The following PDE5A variants were observed in gnomAD, a reference collection of about 807,000 sequenced individuals.
The protein encoded by PDE5A is phosphodiesterase 5A, also known as cGMP-specific 3',5'-cyclic phosphodiesterase.
Under a neutral mutation model 110.2 loss-of-function variants are expected in PDE5A, and 67 were observed. That is an observed-to-expected ratio of 0.61 (90% CI 0.50 to 0.75). The LOEUF (loss-of-function observed/expected upper bound fraction) is 0.75, where lower values mean the gene tolerates loss of function less well. PDE5A is among the 30% of genes least tolerant of loss of function. PDE5A has a pLI of 0.00. For missense variants in PDE5A, 862 were observed against 1,045.1 expected (o/e 0.82, Z 2.42); for synonymous variants, 328 against 351.2 (o/e 0.93, Z 0.74).
chr4:119,606,806 T>C lies in PDE5A; in HGVS notation c.644A>G (p.Glu215Gly). 1 of 1,614,200 alleles carries C rather than the reference T, an allele frequency of 6.2e-7. No individual in the cohort carries two copies. Among genetic ancestry groups the C allele is most frequent in the Non-Finnish European group, 8.5e-7 (1 of 1,180,040 alleles). The change falls in exon 2 of 21, where the codon GAA becomes GGA. Residue 215 changes from glutamate to glycine, a missense_variant. By Grantham distance (98) the Glu-to-Gly change is moderately conservative. Transcript: ENST00000354960. ...TAAGCGGATACAGTTATTTGAAACT[T>C]CTTCCAGTGTTGAACCTTCAGCAAC... is the stretch of plus-strand genomic sequence containing the variant. ...FDVAEGSTLE[E>G]VSNNCIRLEW...
chr4:119,567,141 C>T lies in PDE5A; in HGVS notation c.835G>A (p.Val279Ile). 1 of 1,611,678 alleles carries T rather than the reference C, an allele frequency of 6.2e-7. No homozygotes were observed. Among genetic ancestry groups the T allele is most frequent in the Non-Finnish European group, 8.5e-7 (1 of 1,177,966 alleles). Residue 279 changes from valine to isoleucine, a missense_variant, in exon 4 of 21, where the codon GTT becomes ATT. Physicochemically the swap from Val to Ile is conservative, Grantham distance 29. Coordinates refer to ENST00000354960, the MANE Select transcript of PDE5A (RefSeq NM_001083.4). The stretch of plus-strand genomic sequence containing the variant: ...TTGTTGATGGCCTGGGCTACACCAA[C>T]AACCTGGTATAAGGAGAGAAAAGCG... ...MPIKNHREEV[V>I]GVAQAINKKS...
Position 119,498,230 on chromosome 4 carries a change from GA to G in PDE5A, c.*370del, listed in dbSNP as rs963610374. ...AAAAGGAAAGATTCCAAACATTCTT[GA>G]AAAAATGGTAATTCAGAAAACACAA... On this transcript the variant is annotated 3_prime_UTR_variant, in exon 21 of 21. Coordinates refer to ENST00000354960, the MANE Select transcript of PDE5A (RefSeq NM_001083.4). 2.5e-5 allele frequency: 4 copies of G among 162,780 alleles called. No homozygotes were observed. Among genetic ancestry groups the G allele is most frequent in the African/African-American group, 9.6e-5 (4 of 41,758 alleles). 10.1% of individuals were successfully genotyped at this position (162,780 alleles called of 1,614,324 possible).
chr4:119,531,566 C>G (rs1726543837), intron 11 of PDE5A, among the ~76,000 whole-genome samples: 1 of 152,024 alleles, frequency 6.6e-6, no homozygotes, highest in Non-Finnish European at 1.5e-5. Flanking sequence ...TGTGAGCCAC[C>G]ACGCCTGGCC....
intron 18 of PDE5A, 39 bp from the exon 19 acceptor site, chr4:119,502,694 C>A: frequency 1.5e-6 from 2 of 1,303,486 alleles, no homozygotes; most frequent in Non-Finnish European, 2.2e-6. Flanking sequence ...CAATGAAAAG[C>A]ATATCATTCT....
At chr4:119,554,219 T>C (rs1282714150) in intron 7 of PDE5A, among the ~76,000 whole-genome samples, 1 of 152,186 alleles carries the variant, frequency 6.6e-6, no homozygotes, top group East Asian at 1.9e-4. Context: ...CTCTTCTCTC[T>C]AGTTAAGTCT....
chr4:119,614,273 C>G (rs114513627), intron 1 of PDE5A, among the ~76,000 whole-genome samples: 1 of 151,818 alleles, frequency 6.6e-6, no homozygotes, highest in East Asian at 1.9e-4. Flanking sequence ...TAAATGTGTT[C>G]GAGAAAAAGT....
At chr4:119,563,426 C>T (rs989916357) in intron 5 of PDE5A, among the ~76,000 whole-genome samples, 2 of 152,086 alleles carry the variant, frequency 1.3e-5, no homozygotes, top group Admixed American at 6.6e-5. Flanking sequence ...AAATATTACC[C>T]GTCAAAGTAA....
chr4:119,578,227 A>C (rs1482107366), intron 3 of PDE5A, among the ~76,000 whole-genome samples: 1 of 152,210 alleles, frequency 6.6e-6, no homozygotes, highest in African/African-American at 2.4e-5. Context: ...GCTCATGGGT[A>C]GGAAGAATCA....
At chr4:119,588,170 CT>C (rs11297755) in intron 3 of PDE5A, among the ~76,000 whole-genome samples, 35,388 of 128,680 alleles carry the variant, frequency 0.28, 3,597 homozygotes, top group East Asian at 0.37. Context: ...CCAATTTTTT[CT>C]TTTTTTTTTT....
chr4:119,574,037 C>T (rs1252751365), intron 3 of PDE5A, among the ~76,000 whole-genome samples: 1 of 152,048 alleles, frequency 6.6e-6, no homozygotes, highest in Admixed American at 6.5e-5. Context: ...TATCACAGAG[C>T]AATCTGATGT....
chr4:119,577,405 A>G (rs1476237099), intron 3 of PDE5A, among the ~76,000 whole-genome samples: 1 of 152,222 alleles, frequency 6.6e-6, no homozygotes, highest in Non-Finnish European at 1.5e-5. Context: ...TTACACCAAT[A>G]TCCTTGATGA....
chr4:119,506,737 TAATA>T (rs1355274564), intron 16 of PDE5A, among the ~76,000 whole-genome samples: 41 of 151,940 alleles, frequency 2.7e-4, no homozygotes, highest in Non-Finnish European at 4.0e-4. Flanking sequence ...AGTTTACTAT[TAATA>T]TATATTATTT....
intron 1 of PDE5A, among the ~76,000 whole-genome samples, chr4:119,610,014 A>G (rs1005660946): frequency 6.6e-6 from 1 of 152,248 alleles, no homozygotes; most frequent in Non-Finnish European, 1.5e-5. Context: ...AATTTGAAGA[A>G]GCACAAAAGC....
intron 18 of PDE5A, 119 bp downstream of exon 18, chr4:119,504,417 A>C: frequency 1.4e-6 from 1 of 706,046 alleles, no homozygotes; most frequent in Non-Finnish European, 2.4e-6. Flanking sequence ...TGATGAACAT[A>C]TAAGTGTCTT....
At position 119,496,137 on chromosome 4, in the gene PDE5A, T is replaced by C. The variant is rs965244970; in HGVS notation, c.*2464A>G. Reference sequence around the variant, plus strand: ...GATATCTTTTAACAAGTTAGTAAAATAGTGGGGACTTTTCTGGCTAAAAAT... The same window carrying C: ...GATATCTTTTAACAAGTTAGTAAAACAGTGGGGACTTTTCTGGCTAAAAAT... On this transcript the variant is annotated 3_prime_UTR_variant, in exon 21 of 21. Transcript: ENST00000354960. The C allele has an allele frequency of 3.3e-5, 5 of 152,116 alleles. No individual in the cohort carries two copies. Among genetic ancestry groups the C allele is most frequent in the African/African-American group, 1.2e-4 (5 of 41,430 alleles). 9.4% of individuals were successfully genotyped at this position (152,116 alleles called of 1,614,324 possible).
chr4:119,530,400 T>G (rs1003833365), intron 11 of PDE5A, among the ~76,000 whole-genome samples: 1 of 152,100 alleles, frequency 6.6e-6, no homozygotes, highest in Non-Finnish European at 1.5e-5. Flanking sequence ...ACAGTGTAGG[T>G]TGAAATCACA....
At position 119,607,292 on chromosome 4, in the gene PDE5A, A is replaced by G. The variant is rs1317861891; in HGVS notation, c.158T>C (p.Met53Thr). 1.9e-6 allele frequency: 3 copies of G among 1,605,558 alleles called. No homozygotes were observed. The highest frequency in any genetic ancestry group is 2.5e-6 in the Non-Finnish European group (3 of 1,177,082). Residue 53 changes from methionine (M) to threonine (T), a missense_variant, in exon 2 of 21, where the codon ATG (methionine) becomes ACG (threonine). Met to Thr is a moderately conservative substitution (Grantham distance 81). Coordinates refer to ENST00000354960, the MANE Select transcript of PDE5A (RefSeq NM_001083.4). Reference sequence around the variant, plus strand: ...TCTCTCAGCAAACCATGCATTGACCATTTCTCTGCAGAACAGAACGTGCAG... The same window carrying G: ...TCTCTCAGCAAACCATGCATTGACCGTTTCTCTGCAGAACAGAACGTGCAG... ...SYFVRKATRE[M>T]VNAWFAERVH...
chr4:119,496,942 T>C lies in PDE5A; in HGVS notation c.*1659A>G, dbSNP rs202102127. The C allele has an allele frequency of 6.6e-6, 1 of 152,350 alleles. No individual in the cohort carries two copies. The highest frequency in any genetic ancestry group is 2.4e-5 in the African/African-American group (1 of 41,382). 9.4% of individuals were successfully genotyped at this position (152,350 alleles called of 1,614,324 possible). ...ATGGCAATACAATGTGTTTTGCTTC[T>C]ATTTTTTGTTTTTTTACCAGAATGA... On this transcript the variant is annotated 3_prime_UTR_variant, in exon 21 of 21. Transcript: ENST00000354960.
chr4:119,516,684 C>T (rs1318588653), intron 14 of PDE5A, among the ~76,000 whole-genome samples: 1 of 152,094 alleles, frequency 6.6e-6, no homozygotes, highest in East Asian at 1.9e-4. Context: ...GTGGCGAGAT[C>T]ACAGCTCACT....
Sources: gnomAD v4.1 joint callset for allele counts (sites outside exome capture counted in the v4.1 genomes callset) on GRCh38, gnomAD v4.1.1 for gene constraint, MANE v1.5 for transcripts, NCBI Gene and HGNC (gene_info 2026-07-23, HGNC 2026-07-21) for gene names.